RGCC: variants seen among roughly 807,000 people sequenced by gnomAD.
RGCC encodes regulator of cell cycle.
Under a neutral mutation model 15.4 loss-of-function variants are expected in RGCC, and 15 were observed. That is an observed-to-expected ratio of 0.97 (90% confidence interval 0.65 to 1.50). The LOEUF (loss-of-function observed/expected upper bound fraction) is 1.50, where lower values mean the gene tolerates loss of function less well. RGCC is among the 40% of genes most tolerant of loss of function. The pLI is 0.00. For missense variants in RGCC, 176 were observed against 189.7 expected (o/e 0.93, Z 0.42); for synonymous variants, 81 against 78.0 (o/e 1.04, Z -0.20).
intron 4 of RGCC, among the ~76,000 whole-genome samples, chr13:41,469,721 G>A (rs1018285433): frequency 3.3e-5 from 5 of 152,174 alleles, no homozygotes; most frequent in Admixed American, 6.5e-5. Flanking sequence ...ATGCATACTT[G>A]CAAGCCTCTT....
At position 41,457,869 on chromosome 13, in the gene RGCC, G is replaced by T; in HGVS notation, c.49+113G>T. On this transcript the variant is annotated intron_variant, in intron 1 of 4. Transcript: ENST00000379359. This position sits in a 1 kb window ranked among gnomAD's most constrained non-coding sequence, Gnocchi z 4.9. ...CCCCCACCCTTCCATCCTCCCCGGC[G>T]GGAACCTGTCCCCGGTCTTCCCGCG... The T allele has an allele frequency of 7.6e-7, 1 of 1,321,996 alleles. No individual in the cohort carries two copies. The highest frequency in any genetic ancestry group is 2.2e-5 in the South Asian group (1 of 44,538). The allele number at this position is 1,321,996 out of a possible 1,614,324, so 81.9% of individuals were successfully genotyped here.
At chr13:41,461,227 CT>C (rs2043819643) in intron 2 of RGCC, among the ~76,000 whole-genome samples, 1 of 152,030 alleles carries the variant, frequency 6.6e-6, no homozygotes, top group Non-Finnish European at 1.5e-5. Flanking sequence ...TTCGTTTAGA[CT>C]TGATTCCAAC....
intron 4 of RGCC, 51 bp from the exon 5 acceptor site, chr13:41,470,427 T>C (rs750843637): frequency 2.6e-5 from 41 of 1,594,794 alleles, no homozygotes; most frequent in Middle Eastern, 1.7e-4. Context: ...TGGTTAAGCA[T>C]AGGAATTGTG....
intron 2 of RGCC, chr13:41,464,054 AGT>A (rs1566337651): frequency 6.5e-6 from 1 of 152,862 alleles, no homozygotes; most frequent in African/African-American, 2.4e-5. Flanking sequence ...GGGTGGGTGG[AGT>A]GAGCAGTGGT....
At chr13:41,462,790 G>C (rs532858247) in intron 2 of RGCC, among the ~76,000 whole-genome samples, 1 of 152,206 alleles carries the variant, frequency 6.6e-6, no homozygotes, top group African/African-American at 2.4e-5. Flanking sequence ...TCTGTCTTGC[G>C]TGAGATTTTG....
chr13:41,469,485 T>G (rs2043865891), intron 4 of RGCC, among the ~76,000 whole-genome samples: 1 of 152,108 alleles, frequency 6.6e-6, no homozygotes, highest in Non-Finnish European at 1.5e-5. Flanking sequence ...ATTACCATCA[T>G]GATGGCCTGT....
rs780228792 is a variant in RGCC at position 41,458,271 on chromosome 13, G to A, written c.50-14G>A. 3.9e-6 allele frequency: 6 copies of A among 1,557,200 alleles called. No homozygotes were observed. Among genetic ancestry groups the A allele is most frequent in the Admixed American group, 1.8e-5 (1 of 54,106 alleles). ...CCTGACTTCCGTGCACTGAGCCCCT[G>A]GCCCTGCCCGCAGCCCCGGCCCTGG... On this transcript the variant is annotated splice_polypyrimidine_tract_variant and intron_variant, in intron 1 of 4. Transcript: ENST00000379359. The surrounding 1 kb of genome is among the most constrained non-coding windows in gnomAD (Gnocchi z 4.4).
chr13:41,463,093 G>C (rs972571659), intron 2 of RGCC, among the ~76,000 whole-genome samples: 1 of 152,184 alleles, frequency 6.6e-6, no homozygotes, highest in Middle Eastern at 3.2e-3. Context: ...ATTATACACA[G>C]AGCACCTAGG....
rs1349339006 is a variant in RGCC at position 41,470,680 on chromosome 13, C to A, written c.*195C>A. The A allele has an allele frequency of 1.0e-5, 6 of 593,426 alleles. No individual in the cohort carries two copies. Among genetic ancestry groups the A allele is most frequent in the Non-Finnish European group, 1.8e-5 (6 of 332,104 alleles). The allele number at this position is 593,426 out of a possible 1,614,324, so 36.8% of individuals were successfully genotyped here. On this transcript the variant is annotated 3_prime_UTR_variant, in exon 5 of 5. Coordinates refer to ENST00000379359, the MANE Select transcript of RGCC (RefSeq NM_014059.3). ...TGGGCAATTTAGACAGTGAAACTGA[C>A]TTTGTTTACCTGCTTGCAGCATATT...
In RGCC at chr13:41,458,714, C is replaced by G. The variant is rs1161365210; in HGVS notation, c.235+244C>G. ...GCAGGCGAGTTTAAGCAGCTTGTCC[C>G]GACTCAGCCAGACAGGACTCCCTGG... On this transcript the variant is annotated intron_variant, in intron 2 of 4. Transcript: ENST00000379359. The surrounding 1 kb of genome is among the most constrained non-coding windows in gnomAD (Gnocchi z 4.4). Among the ~76,000 whole-genome samples, 1 of 152,086 alleles carries G rather than the reference C, an allele frequency of 6.6e-6. No individual in the cohort carries two copies. The highest frequency in any genetic ancestry group is 2.1e-4 in the South Asian group (1 of 4,812).
chr13:41,467,404 A>G (rs1365289863), intron 3 of RGCC, among the ~76,000 whole-genome samples: 1 of 152,246 alleles, frequency 6.6e-6, no homozygotes, highest in Admixed American at 6.5e-5. Flanking sequence ...ATGATCTAAC[A>G]TGATTTAAAA....
rs904060538 is a variant in RGCC at position 41,458,616 on chromosome 13, C to T, written c.235+146C>T. 1.0e-6 allele frequency: 1 copy of T among 957,498 alleles called. No individual in the cohort carries two copies. Among genetic ancestry groups the T allele is most frequent in the East Asian group, 2.7e-5 (1 of 37,722 alleles). 59.3% of individuals were successfully genotyped at this position (957,498 alleles called of 1,614,324 possible). ...GCAGTAGGCCGAGTGGTGGCGGGGC[C>T]CCTGACGATAATCACGGGAAAGGTC... On this transcript the variant is annotated intron_variant, in intron 2 of 4. Coordinates refer to ENST00000379359, the MANE Select transcript of RGCC (RefSeq NM_014059.3). This position sits in a 1 kb window ranked among gnomAD's most constrained non-coding sequence, Gnocchi z 4.4.
At chr13:41,463,102 G>C (rs1328597540) in intron 2 of RGCC, among the ~76,000 whole-genome samples, 1 of 152,144 alleles carries the variant, frequency 6.6e-6, no homozygotes, top group East Asian at 1.9e-4. Flanking sequence ...AGAGCACCTA[G>C]GTTATTGTTC....
chr13:41,465,144 TG>T (rs1027976392), intron 2 of RGCC, among the ~76,000 whole-genome samples: 17 of 152,326 alleles, frequency 1.1e-4, no homozygotes, highest in African/African-American at 3.8e-4. Context: ...GAGATGTTTT[TG>T]CCTCCCCCTA....
At chr13:41,459,165 A>G (rs2139572539) in intron 2 of RGCC, among the ~76,000 whole-genome samples, 1 of 152,326 alleles carries the variant, frequency 6.6e-6, no homozygotes, top group African/African-American at 2.4e-5. Context: ...AACTTTGTCA[A>G]CAACAGCAAC....
chr13:41,467,669 C>T (rs1289866172), intron 3 of RGCC, among the ~76,000 whole-genome samples: 1 of 152,220 alleles, frequency 6.6e-6, no homozygotes, highest in Non-Finnish European at 1.5e-5. Context: ...TTCCATCACT[C>T]TTTTCACTTT....
intron 2 of RGCC, among the ~76,000 whole-genome samples, chr13:41,464,599 G>A (rs2043838546): frequency 6.6e-6 from 1 of 152,204 alleles, no homozygotes; most frequent in African/African-American, 2.4e-5. Flanking sequence ...AATGGGGCTG[G>A]TTTTGTTTAA....
At chr13:41,469,315 AG>A (rs1470214452) in intron 4 of RGCC, among the ~76,000 whole-genome samples, 3 of 151,164 alleles carry the variant, frequency 2.0e-5, no homozygotes, top group Non-Finnish European at 4.4e-5. Flanking sequence ...AAGAAGAAGA[AG>A]AAGAAGAAGA....
chr13:41,466,679 C>T (rs2043850899), intron 2 of RGCC, 144 bp from the exon 3 acceptor site: 1 of 591,008 alleles, frequency 1.7e-6, no homozygotes, highest in Non-Finnish European at 3.0e-6. Flanking sequence ...GTGAGCCACC[C>T]CATGCCTGGC....
Sources: gnomAD v4.1 joint callset for allele counts (sites outside exome capture counted in the v4.1 genomes callset) on GRCh38, gnomAD v4.1.1 for gene constraint, Gnocchi (gnomAD v3.1) non-coding constraint, MANE v1.5 for transcripts, NCBI Gene and HGNC (gene_info 2026-07-23, HGNC 2026-07-21) for gene names.